GRM7: variants seen among roughly 807,000 people sequenced by gnomAD.
The protein encoded by GRM7 is glutamate metabotropic receptor 7.
A neutral mutation model predicts 84.5 loss-of-function variants in GRM7; 35 were observed. That is an observed-to-expected ratio of 0.41 (90% CI 0.32 to 0.55). The LOEUF is 0.55. Among genes scored for constraint, GRM7 ranks in the 20% least tolerant of loss-of-function variants. The pLI is 0.19. For missense variants in GRM7, 1,003 were observed against 1,194.6 expected (o/e 0.84, Z 2.36); for synonymous variants, 487 against 455.1 (o/e 1.07, Z -0.89).
At position 7,371,781 on chromosome 3, in the gene GRM7, T is replaced by G. The variant is rs145553278; in HGVS notation, c.1034-43242T>G. Among the ~76,000 whole-genome samples the G allele has an allele frequency of 4.4e-4, 67 of 152,286 alleles. 1 individual carries two copies. Among genetic ancestry groups the G allele is most frequent in the African/African-American group, 1.5e-3 (63 of 41,578 alleles). On this transcript the variant is annotated intron_variant, in intron 4 of 9. Transcript: ENST00000357716. ...GAACAGCCCATGAGTTTAATCCCTTTCTTTCCTCTAATGATTTGAAAGAAG... is the reference window on the plus strand; with the variant it reads ...GAACAGCCCATGAGTTTAATCCCTTGCTTTCCTCTAATGATTTGAAAGAAG...
At chr3:6,898,798 G>A (rs926374459) in intron 1 of GRM7, among the ~76,000 whole-genome samples, 1 of 149,550 alleles carries the variant, frequency 6.7e-6, no homozygotes, top group African/African-American at 2.5e-5. Context: ...CTACAGGGCA[G>A]CAGTATGAGA....
intron 2 of GRM7, among the ~76,000 whole-genome samples, chr3:7,261,354 G>A (rs1160839846): frequency 6.6e-6 from 1 of 152,046 alleles, no homozygotes; most frequent in Non-Finnish European, 1.5e-5. Flanking sequence ...TATTTTTATT[G>A]CACTATGGTC....
At chr3:7,526,093 T>C (rs914664671) in intron 7 of GRM7, among the ~76,000 whole-genome samples, 3 of 152,178 alleles carry the variant, frequency 2.0e-5, no homozygotes, top group Admixed American at 6.5e-5. Flanking sequence ...TGAATGGTAA[T>C]TCTATCTTTA....
intron 7 of GRM7, among the ~76,000 whole-genome samples, chr3:7,493,877 C>T (rs562544405): frequency 8.5e-5 from 13 of 152,120 alleles, no homozygotes; most frequent in African/African-American, 2.9e-4. Flanking sequence ...AATATATGTA[C>T]ATGACCTTTA....
intron 8 of GRM7, among the ~76,000 whole-genome samples, chr3:7,668,209 A>G (rs898923068): frequency 1.3e-5 from 2 of 152,126 alleles, no homozygotes; most frequent in African/African-American, 4.8e-5. Flanking sequence ...GTGCCCTGGG[A>G]GCCTCAGGCT....
chr3:7,071,999 T>A (rs972054053), intron 1 of GRM7, among the ~76,000 whole-genome samples: 2 of 152,144 alleles, frequency 1.3e-5, no homozygotes, highest in Non-Finnish European at 2.9e-5. Flanking sequence ...AGTTTCCTTA[T>A]TACCATGACA....
intron 9 of GRM7, among the ~76,000 whole-genome samples, chr3:7,723,698 A>C (rs1286668866): frequency 1.3e-5 from 2 of 152,036 alleles, no homozygotes; most frequent in Non-Finnish European, 2.9e-5. Context: ...ACAAATTTAA[A>C]AATGAGTCAG....
At chr3:6,999,763 T>G (rs1242532169) in intron 1 of GRM7, among the ~76,000 whole-genome samples, 1 of 152,082 alleles carries the variant, frequency 6.6e-6, no homozygotes, top group Non-Finnish European at 1.5e-5. Flanking sequence ...CCAGATCTCA[T>G]GAGAACTCAT....
At chr3:7,710,536 T>C (rs1269736658) in intron 9 of GRM7, among the ~76,000 whole-genome samples, 1 of 152,016 alleles carries the variant, frequency 6.6e-6, no homozygotes, top group Non-Finnish European at 1.5e-5. Context: ...CTGAGCCCCA[T>C]ACCAGAGGAT....
At chr3:7,004,031 C>T (rs1695099905) in intron 1 of GRM7, among the ~76,000 whole-genome samples, 1 of 152,136 alleles carries the variant, frequency 6.6e-6, no homozygotes, top group Non-Finnish European at 1.5e-5. Context: ...CATAGGGAAG[C>T]TTGAGTGTTT....
intron 4 of GRM7, among the ~76,000 whole-genome samples, chr3:7,368,380 A>C (rs1406200319): frequency 6.6e-6 from 1 of 152,110 alleles, no homozygotes; most frequent in Admixed American, 6.6e-5. Flanking sequence ...TTTATTTTTT[A>C]TTATAAGTGT....
chr3:7,033,030 A>G (rs575630299), intron 1 of GRM7, among the ~76,000 whole-genome samples: 1 of 152,198 alleles, frequency 6.6e-6, no homozygotes, highest in South Asian at 2.1e-4. Context: ...GCATCAATAG[A>G]GATGGGTCCT....
At chr3:7,106,846 T>C (rs934334956) in intron 1 of GRM7, among the ~76,000 whole-genome samples, 2 of 151,970 alleles carry the variant, frequency 1.3e-5, no homozygotes, top group Admixed American at 1.3e-4. Flanking sequence ...GTCTGACAGG[T>C]AAGGAAGCCC....
chr3:6,984,202 C>A (rs963990360), intron 1 of GRM7, among the ~76,000 whole-genome samples: 2 of 152,014 alleles, frequency 1.3e-5, no homozygotes, highest in Admixed American at 1.3e-4. Flanking sequence ...TCTTGGAGGC[C>A]GTAGAAACTT....
chr3:7,598,737 G>T (rs919811454), intron 8 of GRM7, among the ~76,000 whole-genome samples: 1 of 152,182 alleles, frequency 6.6e-6, no homozygotes, highest in East Asian at 1.9e-4. Context: ...AAAGTGGGCT[G>T]GGTACAGATA....
chr3:6,968,868 G>T (rs1000566400), intron 1 of GRM7, among the ~76,000 whole-genome samples: 1 of 152,210 alleles, frequency 6.6e-6, no homozygotes, highest in South Asian at 2.1e-4. Flanking sequence ...CATGTGTACC[G>T]CTCTGTAGAA....
At chr3:7,240,869 A>G (rs1439753384) in intron 2 of GRM7, among the ~76,000 whole-genome samples, 2 of 152,186 alleles carry the variant, frequency 1.3e-5, no homozygotes, top group African/African-American at 4.8e-5. Context: ...TACATTTTCT[A>G]TGTTTAGATA....
intron 1 of GRM7, among the ~76,000 whole-genome samples, chr3:7,047,102 T>C (rs545604057): frequency 1.3e-5 from 2 of 151,964 alleles, no homozygotes; most frequent in Admixed American, 6.6e-5. Context: ...CAGAAGAATT[T>C]AGTCTATGAG....
chr3:7,389,148 A>G (rs779806616), intron 4 of GRM7, among the ~76,000 whole-genome samples: 2 of 152,094 alleles, frequency 1.3e-5, no homozygotes, highest in Non-Finnish European at 2.9e-5. Flanking sequence ...AAGTCATTCA[A>G]TAGCAAGCTA....
Sources: gnomAD v4.1 joint callset for allele counts (sites outside exome capture counted in the v4.1 genomes callset) on GRCh38, gnomAD v4.1.1 for gene constraint, MANE v1.5 for transcripts, NCBI Gene and HGNC (gene_info 2026-07-23, HGNC 2026-07-21) for gene names.